The following UMAD1 variants were observed in gnomAD, a reference collection of about 807,000 sequenced individuals.
UMAD1 encodes the protein UBAP1-MVB12-associated (UMA) domain containing 1, also known as UBAP1-MVB12-associated (UMA)-domain containing protein 1.
A neutral mutation model predicts 6.1 loss-of-function variants in UMAD1; 8 were observed. That is an observed-to-expected ratio of 1.30 (90% confidence interval 0.76 to 2.35). UMAD1 has a LOEUF of 2.35. Ranked by LOEUF, UMAD1 falls within the 30% of genes most tolerant of loss-of-function variation. UMAD1 has a pLI of 0.00. For synonymous variants in UMAD1, 56 were observed against 31.4 expected (o/e 1.78, Z -2.61); for missense variants, 130 against 78.4 (o/e 1.66, Z -2.49).
intron 3 of UMAD1, among the ~76,000 whole-genome samples, chr7:7,876,457 G>A (rs1373963266): frequency 6.6e-6 from 1 of 152,172 alleles, no homozygotes; most frequent in East Asian, 1.9e-4. Context: ...GTTTGAGTTA[G>A]GTTCCAGGTG....
In UMAD1 at chr7:7,660,910, C is replaced by G. The variant is rs182336113; in HGVS notation, c.-63-12399C>G. Among the ~76,000 whole-genome samples, 34 of 152,286 alleles carry G rather than the reference C, an allele frequency of 2.2e-4. No individual in the cohort carries two copies. In the East Asian group the frequency reaches 2.5e-3, roughly 11 times the overall value. On this transcript the variant is annotated intron_variant, in intron 1 of 3. Coordinates refer to ENST00000682710, the MANE Select transcript of UMAD1 (RefSeq NM_001302348.2). ...CTGAAGAGTGTTTTCCAACTTGGTT[C>G]TATTCTCCCTGTCACTTTCGGGTAC...
chr7:7,858,527 G>C (rs934632274), intron 3 of UMAD1, among the ~76,000 whole-genome samples: 5 of 152,214 alleles, frequency 3.3e-5, no homozygotes, highest in African/African-American at 1.2e-4. Flanking sequence ...TTTCTAGAAG[G>C]CTAAAGGAAA....
chr7:7,785,512 G>C (rs1271694039), intron 2 of UMAD1, among the ~76,000 whole-genome samples: 1 of 152,150 alleles, frequency 6.6e-6, no homozygotes, highest in Non-Finnish European at 1.5e-5. Context: ...TTTATCCTAA[G>C]CACAATAGGG....
At chr7:7,838,767 G>A (rs531589340) in intron 3 of UMAD1, among the ~76,000 whole-genome samples, 1 of 152,242 alleles carries the variant, frequency 6.6e-6, no homozygotes, top group African/African-American at 2.4e-5. Flanking sequence ...TATGAAAATA[G>A]ATTTAAAACT....
intron 3 of UMAD1, among the ~76,000 whole-genome samples, chr7:7,841,140 G>C (rs149903223): frequency 6.6e-6 from 1 of 151,986 alleles, no homozygotes; most frequent in Admixed American, 6.6e-5. Context: ...AAATTACTTC[G>C]TGTGCATGTA....
intron 2 of UMAD1, among the ~76,000 whole-genome samples, chr7:7,776,972 A>G (rs978050330): frequency 4.6e-5 from 7 of 152,296 alleles, no homozygotes; most frequent in Middle Eastern, 3.4e-3. Flanking sequence ...TACACGAGCA[A>G]ATGCAGGTGT....
At position 7,833,428 on chromosome 7, in the gene UMAD1, G is replaced by A. The variant is rs75141305; in HGVS notation, c.156+31685G>A. Among the ~76,000 whole-genome samples, 298 of 152,090 alleles carry A rather than the reference G, an allele frequency of 2.0e-3. 1 individual carries two copies. Among genetic ancestry groups the A allele is most frequent in the African/African-American group, 6.8e-3 (282 of 41,490 alleles). ...ACCACCGAGGGGGATTCAGAGATGG[G>A]CAAAGTACAGTTGTTAACTTTTAGG... On this transcript the variant is annotated intron_variant, in intron 3 of 3. Coordinates refer to ENST00000682710, the MANE Select transcript of UMAD1 (RefSeq NM_001302348.2).
At chr7:7,779,974 T>C (rs1010167971) in intron 2 of UMAD1, among the ~76,000 whole-genome samples, 1 of 152,226 alleles carries the variant, frequency 6.6e-6, no homozygotes, top group Non-Finnish European at 1.5e-5. Context: ...TTTGCCAAGC[T>C]CTACAAACAA....
chr7:7,867,315 T>G (rs952034672), intron 3 of UMAD1, among the ~76,000 whole-genome samples: 1 of 152,132 alleles, frequency 6.6e-6, no homozygotes, highest in Admixed American at 6.5e-5. Flanking sequence ...ACATATTACT[T>G]TTGGGGGAGT....
intron 3 of UMAD1, among the ~76,000 whole-genome samples, chr7:7,853,086 A>G (rs1212903850): frequency 6.6e-6 from 1 of 152,218 alleles, no homozygotes; most frequent in African/African-American, 2.4e-5. Flanking sequence ...ACATTATATA[A>G]CAAATGCTGT....
At chr7:7,651,491 G>A (rs1049835552) in intron 1 of UMAD1, among the ~76,000 whole-genome samples, 9 of 152,178 alleles carry the variant, frequency 5.9e-5, no homozygotes, top group African/African-American at 1.4e-4. Context: ...CTTCTGTCTC[G>A]TATTTTCCTG....
At chr7:7,692,670 C>T (rs1004022620) in intron 2 of UMAD1, among the ~76,000 whole-genome samples, 7 of 152,106 alleles carry the variant, frequency 4.6e-5, no homozygotes, top group Admixed American at 6.5e-5. Flanking sequence ...AGTGCAGTAG[C>T]GTGATCTCAG....
intron 2 of UMAD1, among the ~76,000 whole-genome samples, chr7:7,704,875 T>C (rs995016868): frequency 1.4e-5 from 2 of 148,122 alleles, no homozygotes; most frequent in African/African-American, 5.0e-5. Context: ...AAAAAAACGA[T>C]GTGTTTTATT....
At chr7:7,740,040 A>G (rs893300722) in intron 2 of UMAD1, among the ~76,000 whole-genome samples, 1 of 152,232 alleles carries the variant, frequency 6.6e-6, no homozygotes. Flanking sequence ...TTTCCCCTTC[A>G]GATAGAAGCA....
At chr7:7,646,533 C>T (rs570215348) in intron 1 of UMAD1, among the ~76,000 whole-genome samples, 21 of 139,200 alleles carry the variant, frequency 1.5e-4, no homozygotes, top group South Asian at 4.5e-4. Flanking sequence ...CCATGTAAGA[C>T]GTACCTTTTG....
intron 2 of UMAD1, chr7:7,742,356 C>A (rs1781487752): frequency 1.7e-6 from 1 of 600,444 alleles, no homozygotes; most frequent in Admixed American, 1.8e-5. Context: ...CTCCTGGGGG[C>A]GCTCTTCCGA....
At chr7:7,669,043 A>G (rs1459384577) in intron 1 of UMAD1, among the ~76,000 whole-genome samples, 1 of 151,896 alleles carries the variant, frequency 6.6e-6, no homozygotes, top group Non-Finnish European at 1.5e-5. Context: ...GAATGGGCCA[A>G]CTCTACACAT....
intron 1 of UMAD1, chr7:7,641,033 G>C (rs895879129): frequency 1.3e-5 from 2 of 152,790 alleles, no homozygotes; most frequent in African/African-American, 4.8e-5. Flanking sequence ...GTGTGGCGTC[G>C]GGGTTGTGAT....
chr7:7,819,720 A>G (rs1280610044), intron 3 of UMAD1, among the ~76,000 whole-genome samples: 1 of 152,256 alleles, frequency 6.6e-6, no homozygotes, highest in Non-Finnish European at 1.5e-5. Context: ...TCTGATGAGT[A>G]AATCTGCATT....
Sources: allele counts gnomAD v4.1 joint callset (sites outside exome capture counted in the v4.1 genomes callset), GRCh38; gene constraint gnomAD v4.1.1; transcripts MANE v1.5; gene names NCBI Gene and HGNC (gene_info 2026-07-23, HGNC 2026-07-21).